Variants in CIROZ observed in about 807,000 individuals in gnomAD.
CIROZ encodes ciliated left-right organizer protein containing ZP-N domains.
chr1:10,947,532 G>A, the CIROZ span: 5 of 753,466 alleles, frequency 6.6e-6, no homozygotes, highest in Non-Finnish European at 9.6e-6. Flanking sequence ...TGGGCCAGAA[G>A]AGCACCGGGG....
the CIROZ span, among the ~76,000 whole-genome samples, chr1:10,960,312 G>A: frequency 1.3e-5 from 2 of 152,148 alleles, no homozygotes; most frequent in Non-Finnish European, 2.9e-5. The surrounding 1 kb of genome is among the most constrained non-coding windows in gnomAD (Gnocchi z 4.6). Context: ...GCTGAGGCAC[G>A]AGGTTCGCTT....
At chr1:10,957,452 G>A in the CIROZ span, 58 of 992,862 alleles carry the variant, frequency 5.8e-5, no homozygotes, top group Middle Eastern at 3.3e-4. Flanking sequence ...AGAGCGGAGC[G>A]CTTTACGCTA....
the CIROZ span, among the ~76,000 whole-genome samples, chr1:10,960,382 G>A: frequency 6.6e-6 from 1 of 152,082 alleles, no homozygotes; most frequent in Admixed American, 6.5e-5. The surrounding 1 kb of genome is among the most constrained non-coding windows in gnomAD (Gnocchi z 4.6). Context: ...CAGCCTGGGC[G>A]ACTCTGGCCA....
chr1:10,970,093 A>AGAAG, the CIROZ span: 2 of 1,444,636 alleles, frequency 1.4e-6, no homozygotes, highest in South Asian at 2.5e-5. Context: ...GATGCTTCTG[A>AGAAG]GAAGGAAGGA....
the CIROZ span, among the ~76,000 whole-genome samples, chr1:10,963,462 T>G: frequency 6.6e-6 from 1 of 152,150 alleles, no homozygotes; most frequent in Non-Finnish European, 1.5e-5. Context: ...TCTTTATTGC[T>G]TCCTCCTCAG....
the CIROZ span, chr1:10,958,699 A>T: frequency 6.2e-7 from 1 of 1,614,056 alleles, no homozygotes; most frequent in Non-Finnish European, 8.5e-7. Flanking sequence ...TGCTACTTCA[A>T]TGGGGCCCGC....
At chr1:10,952,553 C>T in the CIROZ span, among the ~76,000 whole-genome samples, 4 of 152,118 alleles carry the variant, frequency 2.6e-5, no homozygotes, top group African/African-American at 9.7e-5. Flanking sequence ...TGTTTTGAGA[C>T]GAGTCTTGCT....
chr1:10,957,359 G>T, the CIROZ span, among the ~76,000 whole-genome samples: 1 of 152,244 alleles, frequency 6.6e-6, no homozygotes, highest in Non-Finnish European at 1.5e-5. Context: ...GCAACTTTGG[G>T]CTATTTAAAG....
chr1:10,978,172 T>TAA, the CIROZ span, among the ~76,000 whole-genome samples: 27,436 of 126,504 alleles, frequency 0.22, 2,864 homozygotes, highest in Middle Eastern at 0.23. Flanking sequence ...AACTCCACAG[T>TAA]AAAAAAAAAA....
the CIROZ span, chr1:10,947,940 C>T: frequency 2.1e-4 from 346 of 1,613,734 alleles, 1 homozygote; most frequent in African/African-American, 3.7e-3. Context: ...CTCCAGGTAT[C>T]GGGCCTGGTC....
chr1:10,964,154 C>A, the CIROZ span: 1 of 1,614,002 alleles, frequency 6.2e-7, no homozygotes, highest in Non-Finnish European at 8.5e-7. Context: ...CCACAGTGGA[C>A]GCTTTCCTGG....
chr1:10,954,755 C>G, the CIROZ span, among the ~76,000 whole-genome samples: 1 of 152,142 alleles, frequency 6.6e-6, no homozygotes, highest in Non-Finnish European at 1.5e-5. Context: ...ATTCTCCCAC[C>G]TCATTTTGTA....
chr1:10,951,953 A>G, the CIROZ span, among the ~76,000 whole-genome samples: 1 of 152,074 alleles, frequency 6.6e-6, no homozygotes, highest in African/African-American at 2.4e-5. Context: ...AGCATATATT[A>G]ATATTCCAAC....
At chr1:10,950,276 C>T in the CIROZ span, among the ~76,000 whole-genome samples, 1 of 152,086 alleles carries the variant, frequency 6.6e-6, no homozygotes, top group Non-Finnish European at 1.5e-5. Flanking sequence ...CTCAAATGAT[C>T]TGCCCGCCTT....
At chr1:10,962,798 G>A in the CIROZ span, among the ~76,000 whole-genome samples, 4 of 152,186 alleles carry the variant, frequency 2.6e-5, no homozygotes, top group Non-Finnish European at 5.9e-5. Flanking sequence ...TGAGTAGAAC[G>A]GCACCCAGCA....
chr1:10,952,808 G>A, the CIROZ span, among the ~76,000 whole-genome samples: 1 of 152,224 alleles, frequency 6.6e-6, no homozygotes, highest in African/African-American at 2.4e-5. Context: ...CACCGCGTCT[G>A]GCCTTTCTGT....
chr1:10,957,144 A>C, the CIROZ span: 1 of 1,506,748 alleles, frequency 6.6e-7, no homozygotes, highest in African/African-American at 1.4e-5. Flanking sequence ...AGGTCTCCAA[A>C]ACTGCTCCTT....
the CIROZ span, among the ~76,000 whole-genome samples, chr1:10,963,076 C>T: frequency 2.0e-5 from 3 of 147,696 alleles, no homozygotes; most frequent in Admixed American, 6.8e-5. Context: ...GCCTGCGTGA[C>T]GGAGCAAGAT....
At chr1:10,977,219 C>T in the CIROZ span, among the ~76,000 whole-genome samples, 1 of 152,026 alleles carries the variant, frequency 6.6e-6, no homozygotes, top group Non-Finnish European at 1.5e-5. Context: ...TGATGAATCT[C>T]GTGCCTATAA....
Sources: gnomAD v4.1 joint callset for allele counts (sites outside exome capture counted in the v4.1 genomes callset) on GRCh38, gnomAD v4.1.1 for gene constraint, Gnocchi (gnomAD v3.1) non-coding constraint, MANE v1.5 for transcripts, NCBI Gene and HGNC (gene_info 2026-07-23, HGNC 2026-07-21) for gene names.